Variants in H2BC4 observed in about 807,000 individuals in gnomAD.
H2BC4 encodes the protein H2B clustered histone 4, also known as histone H2B type 1-C/E/F/G/I.
In H2BC4, 10 loss-of-function variants were observed where a neutral mutation model predicts 6.2. The observed-to-expected ratio is 1.61, with a 90% CI of 0.99 to 2.73. The LOEUF (loss-of-function observed/expected upper bound fraction) is 2.73. Among genes scored for constraint, H2BC4 ranks in the 30% most tolerant of loss-of-function variants. The pLI is 0.00. For missense variants in H2BC4, 176 were observed against 168.7 expected (o/e 1.04, Z -0.24); for synonymous variants, 146 against 70.7 (o/e 2.07, Z -5.35).
downstream of H2BC4, among the ~76,000 whole-genome samples, chr6:26,113,687 T>G (rs1291461998): frequency 6.6e-6 from 1 of 152,178 alleles, no homozygotes; most frequent in Non-Finnish European, 1.5e-5. Context: ...CCATAGATTG[T>G]GTGGTTTAAA....
chr6:26,123,780 A>T lies in H2BC4; in HGVS notation c.125T>A (p.Val42Glu). ...RSRKESYSVY[V>E]YKVLKQVHPD... The stretch of plus-strand genomic sequence containing the variant: ...ATGGACCTGTTTCAGCACCTTGTAC[A>T]CGTACACAGAGTAACTCTCCTTGCG... The change falls in exon 1 of 1, where the codon GTG (valine) becomes GAG (glutamate). Residue 42 changes from valine to glutamate, a missense_variant. By Grantham distance (121) the Val-to-Glu change is moderately radical (BLOSUM62 -2). Coordinates refer to ENST00000396984, the MANE Select transcript of H2BC4 (RefSeq NM_003526.3). 1 of 1,614,266 alleles carries T rather than the reference A, an allele frequency of 6.2e-7. No homozygotes were observed. Among genetic ancestry groups the T allele is most frequent in the Non-Finnish European group, 8.5e-7 (1 of 1,180,048 alleles).
intron 1 of H2BC4, among the ~76,000 whole-genome samples, chr6:26,117,200 C>A (rs998054216): frequency 3.9e-5 from 6 of 152,120 alleles, no homozygotes; most frequent in African/African-American, 1.4e-4. Flanking sequence ...TTATGAAATT[C>A]TTATAATTTA....
rs1176017136 is a variant in H2BC4, at chr6:26,123,812, C to T, written c.93G>A (p.Lys31=). ...KAQKKDGKKR[K]RSRKESYSVY... is the part of the protein sequence containing the mutation. ...CAGAGTAACTCTCCTTGCGGCTGCG[C>T]TTGCGCTTCTTGCCATCTTTCTTCT... is the stretch of plus-strand genomic sequence containing the variant. The change falls in exon 1 of 1, where the codon AAG becomes AAA. Residue 31 remains lysine, a synonymous_variant. Transcript: ENST00000396984. 4 of 1,614,268 alleles carry T rather than the reference C, an allele frequency of 2.5e-6. No homozygotes were observed. The South Asian group carries it at 3.3e-5, about 13-fold the overall frequency.
downstream of H2BC4, among the ~76,000 whole-genome samples, chr6:26,121,231 G>C (rs1763492503): frequency 6.6e-6 from 1 of 152,194 alleles, no homozygotes; most frequent in Non-Finnish European, 1.5e-5. Flanking sequence ...AAATAAACCA[G>C]ATTTCCTGTC....
Position 26,123,889 on chromosome 6 carries a change from T to C in H2BC4, c.16A>G (p.Lys6Glu). Residue 6 changes from lysine to glutamate, a missense_variant, in exon 1 of 1, where the codon AAG (lysine) becomes GAG (glutamate). Transcript: ENST00000396984. MPEPA[K>E]SAPAPKKGSK... ...CCCTTCTTCGGGGCGGGAGCAGACT[T>C]GGCTGGCTCAGGCATCTTAAAACAC... 1.2e-6 allele frequency: 2 copies of C among 1,614,050 alleles called. No homozygotes were observed. Among genetic ancestry groups the C allele is most frequent in the Non-Finnish European group, 8.5e-7 (1 of 1,179,994 alleles).
chr6:26,115,581 A>G (rs768351441), intron 1 of H2BC4, among the ~76,000 whole-genome samples: 1 of 152,190 alleles, frequency 6.6e-6, no homozygotes, highest in African/African-American at 2.4e-5. Flanking sequence ...AAGAAGATAC[A>G]GCGACGAAGG....
downstream of H2BC4, among the ~76,000 whole-genome samples, chr6:26,122,064 A>G (rs554278106): frequency 3.3e-5 from 5 of 152,022 alleles, no homozygotes; most frequent in Admixed American, 6.5e-5. Context: ...AAAAAAAAAA[A>G]AAAAAAAGAA....
downstream of H2BC4, among the ~76,000 whole-genome samples, chr6:26,113,350 T>C (rs1763383073): frequency 6.6e-6 from 1 of 152,222 alleles, no homozygotes; most frequent in Non-Finnish European, 1.5e-5. Context: ...TTTTTGTTTC[T>C]CATGAGATTC....
chr6:26,123,210 C>T (rs780652673), downstream of H2BC4: 2 of 419,694 alleles, frequency 4.8e-6, no homozygotes, highest in Admixed American at 4.2e-5. Flanking sequence ...ACAGCTGGGT[C>T]TGAAACCTAA....
At position 26,123,616 on chromosome 6, in the gene H2BC4, T is replaced by C; in HGVS notation, c.289A>G (p.Thr97Ala). 2 of 1,614,234 alleles carry C rather than the reference T, an allele frequency of 1.2e-6. No homozygotes were observed. The highest frequency in any genetic ancestry group is 1.7e-6 in the Non-Finnish European group (2 of 1,180,034). Residue 97 changes from threonine (T) to alanine (A), a missense_variant, in exon 1 of 1, where the codon ACG (threonine) becomes GCG (alanine). Thr to Ala is a moderately conservative substitution (Grantham distance 58). Transcript: ENST00000396984. ...CCGGGAAGCAGCAGGCGCACGGCCG[T>C]CTGGATCTCCCTGGAGGTGATGGTC... ...RSTITSREIQ[T>A]AVRLLLPGEL...
chr6:26,122,864 C>T (rs541210402), downstream of H2BC4, among the ~76,000 whole-genome samples: 1 of 152,188 alleles, frequency 6.6e-6, no homozygotes, highest in South Asian at 2.1e-4. Context: ...ACATCTGGCG[C>T]AGTGCTTACA....
downstream of H2BC4, among the ~76,000 whole-genome samples, chr6:26,121,839 T>G (rs1388047052): frequency 1.3e-5 from 2 of 151,582 alleles, no homozygotes; most frequent in African/African-American, 4.8e-5. Flanking sequence ...GATCACCTGA[T>G]GTCCGGAGTT....
chr6:26,121,916 C>T (rs1763501484), downstream of H2BC4, among the ~76,000 whole-genome samples: 1 of 151,802 alleles, frequency 6.6e-6, no homozygotes, highest in African/African-American at 2.4e-5. Context: ...GCCAGGGTGT[C>T]GTGGCGCATG....
chr6:26,113,973 C>T (rs1763389444), downstream of H2BC4, among the ~76,000 whole-genome samples: 2 of 151,990 alleles, frequency 1.3e-5, no homozygotes, highest in South Asian at 4.1e-4. Context: ...ATCCTAATGA[C>T]CTCATTTAAC....
At chr6:26,114,707 C>A (rs1763397794), downstream of H2BC4, among the ~76,000 whole-genome samples, 1 of 151,690 alleles carries the variant, frequency 6.6e-6, no homozygotes, top group Non-Finnish European at 1.5e-5. Context: ...ATAACAAATA[C>A]ATAATTATCA....
rs372665363 is a variant in H2BC4, at chr6:26,123,510, C to T, written c.*14G>A. The T allele has an allele frequency of 1.2e-6, 2 of 1,614,106 alleles. No individual in the cohort carries two copies. The highest frequency in any genetic ancestry group is 1.3e-5 in the African/African-American group (1 of 74,936). ...GCCTTTGGGGTTAGGTGTTAAGACG[C>T]TTACTTGGAATGTTTACTTGGAGCT... On this transcript the variant is annotated 3_prime_UTR_variant, in exon 1 of 1. Transcript: ENST00000396984.
downstream of H2BC4, chr6:26,123,465 T>C (rs1254675365): frequency 3.4e-5 from 54 of 1,606,294 alleles, no homozygotes; most frequent in Non-Finnish European, 4.3e-5. Context: ...TTAGTGGGTA[T>C]CTGGGTGGCT....
downstream of H2BC4, among the ~76,000 whole-genome samples, chr6:26,120,669 C>G (rs1054782618): frequency 2.0e-5 from 3 of 152,124 alleles, no homozygotes; most frequent in African/African-American, 7.2e-5. Context: ...GAAGAAAATT[C>G]TAGTTTCCTA....
At chr6:26,116,470 A>AGACCAGCC (rs1384476872) in intron 1 of H2BC4, among the ~76,000 whole-genome samples, 9 of 152,154 alleles carry the variant, frequency 5.9e-5, no homozygotes, top group Non-Finnish European at 1.3e-4. Flanking sequence ...AGGCAGGAGG[A>AGACCAGCC]TCACTTAAGC....
Sources: allele counts gnomAD v4.1 joint callset (sites outside exome capture counted in the v4.1 genomes callset), GRCh38; gene constraint gnomAD v4.1.1; transcripts MANE v1.5; gene names NCBI Gene and HGNC (gene_info 2026-07-23, HGNC 2026-07-21).